TYMP: variants seen among roughly 807,000 people sequenced by gnomAD.
TYMP encodes thymidine phosphorylase.
Under a neutral mutation model 42.3 loss-of-function variants are expected in TYMP, and 46 were observed. That is an observed-to-expected ratio of 1.09 (90% CI 0.86 to 1.39). The LOEUF (loss-of-function observed/expected upper bound fraction) is 1.39, where lower values mean the gene tolerates loss of function less well. TYMP is among the 40% of genes most tolerant of loss of function. The pLI, the probability that TYMP is intolerant of heterozygous loss-of-function variation, is 0.00. For synonymous variants in TYMP, 363 were observed against 308.0 expected (o/e 1.18, Z -1.87); for missense variants, 837 against 677.6 (o/e 1.24, Z -2.61).
chr22:50,527,323 C>T (rs1468934108), intron 5 of TYMP, 40 bp from the exon 6 acceptor site: 3 of 1,540,754 alleles, frequency 1.9e-6, no homozygotes, highest in African/African-American at 1.4e-5. Flanking sequence ...AATGGAGAAC[C>T]TGGAGCTTCT....
At chr22:50,529,396 C>G in intron 2 of TYMP, 58 bp from the exon 3 acceptor site, 1 of 1,606,222 alleles carries the variant, frequency 6.2e-7, no homozygotes, top group Non-Finnish European at 8.5e-7. Flanking sequence ...CACCCTGGGG[C>G]CGGTGCTGGT....
In TYMP at chr22:50,526,445, C is replaced by T. The variant is rs1255169652; in HGVS notation, c.960G>A (p.Ala320=). 4 of 1,497,894 alleles carry T rather than the reference C, an allele frequency of 2.7e-6. No individual in the cohort carries two copies. Among genetic ancestry groups the T allele is most frequent in the African/African-American group, 1.5e-5 (1 of 68,760 alleles). The allele number at this position is 1,497,894 out of a possible 1,614,324, so 92.8% of individuals were successfully genotyped here. ...GGGCAGCGCCCTGGGCCTGAGTCCCCGCGTGTCCGCTGAGCCAGAGCAGGG... is the reference window on the plus strand; with the variant it reads ...GGGCAGCGCCCTGGGCCTGAGTCCCTGCGTGTCCGCTGAGCCAGAGCAGGG... ...GGALLWLSGH[A]GTQAQGAARV... Residue 320 remains alanine (A), a synonymous_variant, in exon 8 of 10, where the codon GCG becomes GCA. Coordinates refer to ENST00000252029, the MANE Select transcript of TYMP (RefSeq NM_001953.5).
intron 4 of TYMP, 128 bp downstream of exon 4, chr22:50,528,384 G>T: frequency 1.2e-6 from 1 of 831,234 alleles, no homozygotes; most frequent in Non-Finnish European, 2.0e-6. Context: ...CAGGCCCAGT[G>T]ACTCATGAGT....
Position 50,526,372 on chromosome 22 carries a change from G to T in TYMP, c.1033C>A (p.Arg345=), listed in dbSNP as rs1415931943. 6.5e-7 allele frequency: 1 copy of T among 1,538,266 alleles called. No homozygotes were observed. The highest frequency in any genetic ancestry group is 8.7e-7 in the Non-Finnish European group (1 of 1,153,538). Residue 345 remains arginine, a synonymous_variant, in exon 8 of 10, where the codon CGG becomes AGG. Transcript: ENST00000252029. ...DDGSALGRFE[R]MLAAQGVDPG... ...TCCACGCCCTGCGCCGCCAGCATCC[G>T]CTCGAAGCGGCCAAGGGCCGAGCCG...
chr22:50,527,636 C>T lies in TYMP; in HGVS notation c.598G>A (p.Ala200Thr), dbSNP rs982057999. 1.9e-6 allele frequency: 3 copies of T among 1,613,960 alleles called. No homozygotes were observed. Among genetic ancestry groups the T allele is most frequent in the Non-Finnish European group, 2.5e-6 (3 of 1,180,030 alleles). ...ACGGTGGCTGTCACATCTCTGGCTG[C>T]ATATAGGATTCCGTCCGCAGGAACC... Reference protein sequence around the residue: ...QLVPADGILYAARDVTATVDS... With the variant: ...QLVPADGILYTARDVTATVDS... Residue 200 changes from alanine to threonine, a missense_variant, in exon 5 of 10, where the codon GCA (alanine) becomes ACA (threonine). Physicochemically the swap from Ala to Thr is moderately conservative, Grantham distance 58 (BLOSUM62 0). Coordinates refer to ENST00000252029, the MANE Select transcript of TYMP (RefSeq NM_001953.5).
intron 4 of TYMP, 88 bp downstream of exon 4, chr22:50,528,424 C>T: frequency 1.7e-6 from 2 of 1,166,950 alleles, no homozygotes; most frequent in Non-Finnish European, 2.5e-6. Context: ...ATTAGTGACC[C>T]TAATGATCCA....
Position 50,527,692 on chromosome 22 carries a change from C to T in TYMP, c.542G>A (p.Gly181Asp), listed in dbSNP as rs769658345. 13 of 1,613,718 alleles carry T rather than the reference C, an allele frequency of 8.1e-6. No homozygotes were observed. The highest frequency in any genetic ancestry group is 1.7e-5 in the Admixed American group (1 of 60,000). ...EQMQVLLDQA[G>D]CCIVGQSEQL... is the part of the protein sequence containing the mutation. ...CTCACTCTGACCCACGATACAGCAGCCCGCCTGGTCCAGCAGCACTTGCAT... is the reference window on the plus strand; with the variant it reads ...CTCACTCTGACCCACGATACAGCAGTCCGCCTGGTCCAGCAGCACTTGCAT... The change falls in exon 5 of 10, where the codon GGC becomes GAC. Residue 181 changes from glycine to aspartate, a missense_variant. Transcript: ENST00000252029.
At position 50,527,237 on chromosome 22, in the gene TYMP, C is replaced by A. The variant is rs1569522348; in HGVS notation, c.693G>T (p.Val231=). 6.2e-7 allele frequency: 1 copy of A among 1,613,604 alleles called. No homozygotes were observed. Among genetic ancestry groups the A allele is most frequent in the Non-Finnish European group, 8.5e-7 (1 of 1,180,014 alleles). ...CGGCCCCTCCGAACTTAACGTCCACCACCAGAGCGGACAGCCCCTCCACGA... is the reference window on the plus strand; with the variant it reads ...CGGCCCCTCCGAACTTAACGTCCACAACCAGAGCGGACAGCCCCTCCACGA... ...KKLVEGLSAL[V]VDVKFGGAAV... The change falls in exon 6 of 10, where the codon GTG becomes GTT. Residue 231 remains valine, a synonymous_variant. Transcript: ENST00000252029.
intron 8 of TYMP, 41 bp from the exon 9 acceptor site, chr22:50,526,182 G>T: frequency 6.8e-7 from 1 of 1,473,314 alleles, no homozygotes; most frequent in Non-Finnish European, 9.0e-7. Context: ...TCGGGAAGGG[G>T]CGGGGCCTCG....
chr22:50,529,605 C>A lies in TYMP; in HGVS notation c.105G>T (p.Gln35His). 1 of 1,613,086 alleles carries A rather than the reference C, an allele frequency of 6.2e-7. No homozygotes were observed. Among genetic ancestry groups the A allele is most frequent in the African/African-American group, 1.3e-5 (1 of 75,072 alleles). Reference protein sequence around the residue: ...GLPDPSPEPKQLPELIRMKRD... With the variant: ...GLPDPSPEPKHLPELIRMKRD... ...GCTTCATGCGGATCAGCTCCGGGAG[C>A]TGCTTGGGCTCTGGCGAAGGGTCGG... Residue 35 changes from glutamine to histidine, a missense_variant, in exon 2 of 10, where the codon CAG becomes CAT. Transcript: ENST00000252029.
chr22:50,526,306 C>T lies in TYMP; in HGVS notation c.1099G>A (p.Glu367Lys). Residue 367 changes from glutamate to lysine, a missense_variant, in exon 8 of 10, where the codon GAA becomes AAA. Coordinates refer to ENST00000252029, the MANE Select transcript of TYMP (RefSeq NM_001953.5). ...GCGCGAGGCAGCAGCTGCCGGCGTTCTGCGGGACTTCCCGAGCACAGGGCT... is the reference window on the plus strand; with the variant it reads ...GCGCGAGGCAGCAGCTGCCGGCGTTTTGCGGGACTTCCCGAGCACAGGGCT... ...ARALCSGSPA[E>K]RRQLLPRARE... is the part of the protein sequence containing the mutation. 2 of 1,559,306 alleles carry T rather than the reference C, an allele frequency of 1.3e-6. No homozygotes were observed. Among genetic ancestry groups the T allele is most frequent in the South Asian group, 1.2e-5 (1 of 86,080 alleles).
chr22:50,529,365 T>TG (rs1237826458), intron 2 of TYMP, 27 bp from the exon 3 acceptor site: 1 of 1,611,882 alleles, frequency 6.2e-7, no homozygotes, highest in East Asian at 2.2e-5. Context: ...CGCGTGAGGG[T>TG]GGCAGCCCAC....
At position 50,528,496 on chromosome 22, in the gene TYMP, C is replaced by G; in HGVS notation, c.516+16G>C. 6.2e-7 allele frequency: 1 copy of G among 1,609,566 alleles called. No individual in the cohort carries two copies. The highest frequency in any genetic ancestry group is 2.2e-5 in the East Asian group (1 of 44,844). ...TCATCAACCTGGATTAATGACTGAT[C>G]CGTGGCGCCCCGTACCTGCTCTGGG... On this transcript the variant is annotated intron_variant, in intron 4 of 9. Coordinates refer to ENST00000252029, the MANE Select transcript of TYMP (RefSeq NM_001953.5).
At chr22:50,530,016 G>T (rs1250005507), upstream of TYMP, 1 of 355,214 alleles carries the variant, frequency 2.8e-6, no homozygotes, top group African/African-American at 2.1e-5. Context: ...GTCCACTGCC[G>T]GCGGCGGGGC....
intron 4 of TYMP, chr22:50,527,949 C>G (rs1347714647): frequency 3.7e-6 from 2 of 542,872 alleles, no homozygotes; most frequent in Non-Finnish European, 6.5e-6. Context: ...TTTTTTTTTT[C>G]TTCTTTTTTT....
Position 50,526,618 on chromosome 22 carries a change from C to T in TYMP, c.886G>A (p.Gly296Ser). The T allele has an allele frequency of 6.3e-7, 1 of 1,578,616 alleles. No homozygotes were observed. The highest frequency in any genetic ancestry group is 8.6e-7 in the Non-Finnish European group (1 of 1,163,682). ...EVEEALLCMD[G>S]AGPPDLRDLV... Reference sequence around the variant, plus strand: ...TCCCTTAAGTCTGGCGGGCCTGCGCCGTCCATGCAGAGCAGCGCCTCCTCC... The same window carrying T: ...TCCCTTAAGTCTGGCGGGCCTGCGCTGTCCATGCAGAGCAGCGCCTCCTCC... The change falls in exon 7 of 10, where the codon GGC (glycine) becomes AGC (serine). Residue 296 changes from glycine to serine, a missense_variant. Coordinates refer to ENST00000252029, the MANE Select transcript of TYMP (RefSeq NM_001953.5).
rs1467245268 is a variant in TYMP, at chr22:50,529,458, C to T, written c.214+38G>A. The T allele has an allele frequency of 3.1e-6, 5 of 1,609,620 alleles. No homozygotes were observed. In the East Asian group the frequency reaches 6.7e-5, roughly 22 times the overall value. On this transcript the variant is annotated intron_variant, in intron 2 of 9. Transcript: ENST00000252029. ...ACCCAAAGTCTCTCGGGCTGACCTCCCAGTCGGGGTCAGGAACGCCCAACC... is the reference window on the plus strand; with the variant it reads ...ACCCAAAGTCTCTCGGGCTGACCTCTCAGTCGGGGTCAGGAACGCCCAACC...
rs1470959449 is a variant in TYMP, at chr22:50,526,580, C to G, written c.924G>C (p.Thr308=). The change falls in exon 7 of 10, where the codon ACG becomes ACC. Residue 308 remains threonine, a synonymous_variant. Coordinates refer to ENST00000252029, the MANE Select transcript of TYMP (RefSeq NM_001953.5). ...GPPDLRDLVT[T]LGGALLWLSG... is the part of the protein sequence containing the mutation. ...CCTACACCCCGTCCCCCTCACCGAG[C>G]GTGGTGACCAGGTCCCTTAAGTCTG... 6.4e-7 allele frequency: 1 copy of G among 1,574,768 alleles called. No individual in the cohort carries two copies. The highest frequency in any genetic ancestry group is 2.3e-5 in the East Asian group (1 of 42,678).
intron 2 of TYMP, 40 bp from the exon 3 acceptor site, chr22:50,529,378 C>G (rs1201301388): frequency 1.2e-6 from 2 of 1,608,906 alleles, no homozygotes; most frequent in Non-Finnish European, 1.7e-6. Context: ...CAGCCCACAG[C>G]GGTGGGGCAC....
Sources: allele counts gnomAD v4.1 joint callset, GRCh38; gene constraint gnomAD v4.1.1; transcripts MANE v1.5; gene names NCBI Gene and HGNC (gene_info 2026-07-23, HGNC 2026-07-21).